The following GALNT13 variants were observed in gnomAD, a reference collection of about 807,000 sequenced individuals.
GALNT13 encodes UDP-GalNAc:polypeptide N-acetylgalactosaminyltransferase 13.
GALNT13 carries 28 observed loss-of-function variants against 64.2 expected under a neutral mutation model. That is an observed-to-expected ratio of 0.44 (90% confidence interval 0.32 to 0.60). The LOEUF (loss-of-function observed/expected upper bound fraction) is 0.60. GALNT13 is among the 20% of genes least tolerant of loss of function. The pLI is 0.05. For synonymous variants in GALNT13, 214 were observed against 224.6 expected (o/e 0.95, Z 0.42); for missense variants, 577 against 669.8 (o/e 0.86, Z 1.53).
intron 1 of GALNT13, among the ~76,000 whole-genome samples, chr2:153,897,610 T>C (rs1170328280): frequency 6.6e-6 from 1 of 152,114 alleles, no homozygotes; most frequent in Non-Finnish European, 1.5e-5. Context: ...GGAAATACCA[T>C]GTTTGTCATC....
chr2:153,576,517 C>T, the GALNT13 span, among the ~76,000 whole-genome samples: 2 of 152,168 alleles, frequency 1.3e-5, no homozygotes, highest in East Asian at 3.9e-4. Context: ...GTCTGGTTTT[C>T]CTTTTTCCTC....
At chr2:154,093,888 C>T (rs546268421) in intron 3 of GALNT13, among the ~76,000 whole-genome samples, 2 of 151,684 alleles carry the variant, frequency 1.3e-5, no homozygotes, top group Admixed American at 6.6e-5. Context: ...CCCCATCAAT[C>T]TGCTTGTTAA....
rs571577460 is a variant in GALNT13, at chr2:154,231,165, C to T, written c.312-10865C>T. Among the ~76,000 whole-genome samples, 367 of 152,132 alleles carry T rather than the reference C, an allele frequency of 2.4e-3. 2 individuals carry two copies. The highest frequency in any genetic ancestry group is 8.4e-3 in the African/African-American group (348 of 41,524). ...TAGTTTTCCCTACCTTAAGCCCCTACCCTCCTGGAATAAAGCAAATATTCC... is the reference window on the plus strand; with the variant it reads ...TAGTTTTCCCTACCTTAAGCCCCTATCCTCCTGGAATAAAGCAAATATTCC... On this transcript the variant is annotated intron_variant, in intron 4 of 12. Coordinates refer to ENST00000392825, the MANE Select transcript of GALNT13 (RefSeq NM_052917.4).
rs553758155 is a variant in GALNT13 at position 153,971,008 on chromosome 2, A to G, written c.142+26369A>G. Among the ~76,000 whole-genome samples the G allele has an allele frequency of 2.0e-5, 3 of 152,292 alleles. No individual in the cohort carries two copies. In the East Asian group the frequency reaches 5.8e-4, roughly 29 times the overall value. On this transcript the variant is annotated intron_variant, in intron 3 of 12. Transcript: ENST00000392825. ...TCTGTGCCTTGAGCACTGGAGTCAC[A>G]TTGACTTTAGGTCTTGGTATTCTCC...
chr2:153,189,135 A>G, the GALNT13 span, among the ~76,000 whole-genome samples: 3 of 152,086 alleles, frequency 2.0e-5, no homozygotes, highest in Admixed American at 1.3e-4. Context: ...GACAGTTTTT[A>G]TTCTGTTCTG....
At chr2:154,313,335 C>CTA (rs370102319) in intron 9 of GALNT13, among the ~76,000 whole-genome samples, 10 of 146,182 alleles carry the variant, frequency 6.8e-5, no homozygotes, top group East Asian at 4.0e-4. Context: ...CATATACACA[C>CTA]TATATATATA....
chr2:153,681,915 A>G, the GALNT13 span, among the ~76,000 whole-genome samples: 1 of 151,768 alleles, frequency 6.6e-6, no homozygotes. Context: ...CTATCACTCA[A>G]TACTCAGTTT....
chr2:153,137,635 G>A, the GALNT13 span, among the ~76,000 whole-genome samples: 1 of 151,204 alleles, frequency 6.6e-6, no homozygotes, highest in African/African-American at 2.4e-5. Flanking sequence ...TTTCCAAACA[G>A]TGAAAATTAC....
At chr2:153,434,023 G>A in the GALNT13 span, among the ~76,000 whole-genome samples, 1 of 151,854 alleles carries the variant, frequency 6.6e-6, no homozygotes, top group African/African-American at 2.4e-5. Context: ...TGTTCCCCTT[G>A]TTGTGTTCAT....
chr2:154,240,354 G>T (rs1689415565), intron 4 of GALNT13, among the ~76,000 whole-genome samples: 1 of 152,192 alleles, frequency 6.6e-6, no homozygotes, highest in South Asian at 2.1e-4. Flanking sequence ...TCTAAAAGTA[G>T]TAATAATGAT....
chr2:153,408,809 T>C, the GALNT13 span, among the ~76,000 whole-genome samples: 1 of 152,274 alleles, frequency 6.6e-6, no homozygotes, highest in South Asian at 2.1e-4. Flanking sequence ...TGCAAAGTAC[T>C]GTTCCTGGGT....
At chr2:153,735,503 A>G in the GALNT13 span, among the ~76,000 whole-genome samples, 38 of 152,304 alleles carry the variant, frequency 2.5e-4, no homozygotes, top group Non-Finnish European at 5.3e-4. Context: ...CTTGATATGG[A>G]CAGGCACAAT....
At chr2:154,399,617 T>G (rs1459375898) in intron 10 of GALNT13, among the ~76,000 whole-genome samples, 2 of 152,174 alleles carry the variant, frequency 1.3e-5, no homozygotes, top group African/African-American at 4.8e-5. Flanking sequence ...TGATTCATAG[T>G]TAGACATGTT....
intron 3 of GALNT13, among the ~76,000 whole-genome samples, chr2:154,120,936 T>C (rs970913034): frequency 1.3e-5 from 2 of 152,144 alleles, no homozygotes; most frequent in African/African-American, 4.8e-5. Flanking sequence ...TTCTTGCCAT[T>C]CTGTTTTCCC....
the GALNT13 span, among the ~76,000 whole-genome samples, chr2:153,734,861 T>G: frequency 6.6e-6 from 1 of 152,112 alleles, no homozygotes; most frequent in Admixed American, 6.6e-5. Flanking sequence ...TGGCATTCTG[T>G]TTTTAACTGG....
At chr2:153,969,695 T>C (rs1693615019) in intron 3 of GALNT13, among the ~76,000 whole-genome samples, 1 of 152,194 alleles carries the variant, frequency 6.6e-6, no homozygotes, top group Non-Finnish European at 1.5e-5. Flanking sequence ...CATTTTCCTC[T>C]GGATTTTCAA....
chr2:154,362,591 T>C (rs528877487), intron 9 of GALNT13, among the ~76,000 whole-genome samples: 2 of 151,936 alleles, frequency 1.3e-5, no homozygotes, highest in Admixed American at 6.6e-5. Context: ...ACCCAAAAGC[T>C]CTTGCCAAAT....
rs146460942 is a variant in GALNT13, at chr2:154,323,202, A to T, written c.1156+21613A>T. On this transcript the variant is annotated intron_variant, in intron 9 of 12. Coordinates refer to ENST00000392825, the MANE Select transcript of GALNT13 (RefSeq NM_052917.4). The stretch of plus-strand genomic sequence containing the variant: ...TCCTAGATACTTGAGAGGCTGAGGC[A>T]GGAGGATTCCCGGAGCTCAGGAGCT... 3.6e-4 allele frequency among the ~76,000 whole-genome samples: 54 copies of T among 151,594 alleles called. No individual in the cohort carries two copies. The East Asian group carries it at 8.2e-3, about 23-fold the overall frequency.
chr2:153,331,391 G>A, the GALNT13 span, among the ~76,000 whole-genome samples: 1 of 151,870 alleles, frequency 6.6e-6, no homozygotes, highest in Non-Finnish European at 1.5e-5. Flanking sequence ...TTGATTGGTA[G>A]GTGTATTAGT....
Sources: gnomAD v4.1 joint callset for allele counts (sites outside exome capture counted in the v4.1 genomes callset) on GRCh38, gnomAD v4.1.1 for gene constraint, MANE v1.5 for transcripts, NCBI Gene and HGNC (gene_info 2026-07-23, HGNC 2026-07-21) for gene names.